The following PHF14 variants were observed in gnomAD, a reference collection of about 807,000 sequenced individuals.
PHF14 encodes PHD finger protein 14.
Under a neutral mutation model 117.9 loss-of-function variants are expected in PHF14, and 55 were observed. That is an observed-to-expected ratio of 0.47 (90% CI 0.38 to 0.58). PHF14 has a LOEUF of 0.58. PHF14 is among the 20% of genes least tolerant of loss of function. The pLI is 0.00. For missense variants in PHF14, 978 were observed against 1,122.2 expected, an observed-to-expected ratio of 0.87 and a Z score of 1.84; for synonymous variants, 409 against 368.6, an observed-to-expected ratio of 1.11 and a Z score of -1.26.
intron 3 of PHF14, among the ~76,000 whole-genome samples, chr7:10,985,905 G>A (rs990244765): frequency 1.3e-5 from 2 of 151,840 alleles, no homozygotes; most frequent in Non-Finnish European, 2.9e-5. Context: ...CACCTGCCTT[G>A]GCCTCCCAAA....
intron 16 of PHF14, among the ~76,000 whole-genome samples, chr7:11,078,833 T>C (rs1177248446): frequency 6.6e-6 from 1 of 152,136 alleles, no homozygotes; most frequent in African/African-American, 2.4e-5. Context: ...GTAGAAAATG[T>C]TTTAATCTGA....
At position 10,982,634 on chromosome 7, in the gene PHF14, G is replaced by A; in HGVS notation, c.375G>A (p.Lys125=). The A allele has an allele frequency of 6.5e-7, 1 of 1,546,418 alleles. No individual in the cohort carries two copies. The change falls in exon 3 of 18, where the codon AAG becomes AAA. Residue 125 remains lysine (K), a synonymous_variant. Coordinates refer to ENST00000634607, the MANE Select transcript of PHF14 (RefSeq NM_001007157.2). The part of the protein sequence containing the change: ...KEKEKEKEKE[K]EKEKEREKEK... ...AAGAGAAGGAAAAAGAAAAGGAAAAGGAGAAAGAGAAGGAAAGAGAGAAGG... is the reference window on the plus strand; with the variant it reads ...AAGAGAAGGAAAAAGAAAAGGAAAAAGAGAAAGAGAAGGAAAGAGAGAAGG...
chr7:11,057,460 C>T (rs532392865), intron 14 of PHF14, among the ~76,000 whole-genome samples: 118 of 152,142 alleles, frequency 7.8e-4, no homozygotes, highest in African/African-American at 2.7e-3. Context: ...CTGCAACCTC[C>T]GCCTCCCAGG....
chr7:11,063,651 T>A, intron 16 of PHF14: 1 of 971,798 alleles, frequency 1.0e-6, no homozygotes, highest in Non-Finnish European at 1.2e-6. Flanking sequence ...GACTTAGAGG[T>A]TTTTATTAGG....
intron 17 of PHF14, 101 bp from the exon 18 acceptor site, chr7:11,169,315 C>T: frequency 3.6e-6 from 2 of 555,806 alleles, no homozygotes; most frequent in South Asian, 2.7e-5. Flanking sequence ...ATTAGAATCA[C>T]AGTAGTTCAT....
At chr7:11,147,377 A>G (rs1788576342) in intron 17 of PHF14, among the ~76,000 whole-genome samples, 1 of 152,174 alleles carries the variant, frequency 6.6e-6, no homozygotes, top group South Asian at 2.1e-4. Context: ...CTACAACTCC[A>G]GTTATTATCC....
chr7:11,122,413 GTA>G (rs1179580302), intron 17 of PHF14, among the ~76,000 whole-genome samples: 1,253 of 79,844 alleles, frequency 0.016, 28 homozygotes, highest in African/African-American at 0.059. Context: ...ATATATACAC[GTA>G]TATATATATA....
At chr7:11,001,450 T>C (rs573643368) in intron 4 of PHF14, among the ~76,000 whole-genome samples, 95 of 152,190 alleles carry the variant, frequency 6.2e-4, no homozygotes, top group Non-Finnish European at 1.2e-3. Flanking sequence ...GGAATTTTGA[T>C]TGGGATTTTA....
chr7:11,162,296 G>A (rs147063420), intron 17 of PHF14, among the ~76,000 whole-genome samples: 2,226 of 151,856 alleles, frequency 0.015, 58 homozygotes, highest in African/African-American at 0.051. Flanking sequence ...CTCCTTGCTG[G>A]CCAGGCTGGT....
chr7:10,983,171 C>T lies in PHF14; in HGVS notation c.900+12C>T. The T allele has an allele frequency of 6.3e-7, 1 of 1,575,302 alleles. No homozygotes were observed. Among genetic ancestry groups the T allele is most frequent in the Non-Finnish European group, 8.6e-7 (1 of 1,167,156 alleles). On this transcript the variant is annotated intron_variant, in intron 3 of 17. Transcript: ENST00000634607. Reference sequence around the variant, plus strand: ...GCAAGAGTAATGAGGTAGATCAACCCAATTTTTATATCTGTCTGTCTGGGG... The same window carrying T: ...GCAAGAGTAATGAGGTAGATCAACCTAATTTTTATATCTGTCTGTCTGGGG...
intron 2 of PHF14, among the ~76,000 whole-genome samples, chr7:10,978,901 T>C (rs1014355556): frequency 2.6e-5 from 4 of 152,162 alleles, no homozygotes; most frequent in African/African-American, 9.7e-5. Context: ...ATGAGTTGTG[T>C]TGACTGATTG....
intron 16 of PHF14, among the ~76,000 whole-genome samples, chr7:11,072,678 G>A (rs978339614): frequency 7.5e-6 from 1 of 132,862 alleles, no homozygotes; most frequent in African/African-American, 3.2e-5. Context: ...TATTGTGTTT[G>A]TCAGTCTGTT....
chr7:10,976,237 C>T (rs771379573), intron 2 of PHF14, among the ~76,000 whole-genome samples: 3 of 152,142 alleles, frequency 2.0e-5, no homozygotes, highest in Non-Finnish European at 2.9e-5. Flanking sequence ...ATAAGTTTAT[C>T]TTGATTAACT....
At chr7:11,104,457 A>G (rs1208435805) in intron 16 of PHF14, 8 of 972,784 alleles carry the variant, frequency 8.2e-6, no homozygotes, top group Admixed American at 6.2e-5. Flanking sequence ...TCCAACTACT[A>G]TAAGGAGAAA....
At chr7:11,120,404 G>A (rs1049040454) in intron 17 of PHF14, among the ~76,000 whole-genome samples, 1 of 151,948 alleles carries the variant, frequency 6.6e-6, no homozygotes, top group Admixed American at 6.6e-5. Context: ...GTTAAGAAAT[G>A]TTTTTTAAAA....
chr7:11,112,749 C>T (rs1228975746), intron 17 of PHF14, among the ~76,000 whole-genome samples: 4 of 150,594 alleles, frequency 2.7e-5, no homozygotes, highest in South Asian at 4.2e-4. Context: ...CCAACCTGGG[C>T]GACAGGGCGA....
intron 16 of PHF14, among the ~76,000 whole-genome samples, chr7:11,076,000 A>G (rs773604341): frequency 5.9e-5 from 9 of 152,250 alleles, no homozygotes; most frequent in East Asian, 1.9e-4. Flanking sequence ...TTAGCCGGGC[A>G]TGGTGGCGGG....
At chr7:11,014,682 C>T (rs977675482) in intron 5 of PHF14, among the ~76,000 whole-genome samples, 3 of 152,128 alleles carry the variant, frequency 2.0e-5, no homozygotes, top group Non-Finnish European at 4.4e-5. Context: ...GTTTATAGCT[C>T]CCTCTACCAT....
At chr7:11,087,674 A>T (rs1310441606) in intron 16 of PHF14, among the ~76,000 whole-genome samples, 2 of 151,888 alleles carry the variant, frequency 1.3e-5, no homozygotes, top group African/African-American at 4.8e-5. Flanking sequence ...ACTATATTTG[A>T]CTCCCAGTGG....
Sources: gnomAD v4.1 joint callset for allele counts (sites outside exome capture counted in the v4.1 genomes callset) on GRCh38, gnomAD v4.1.1 for gene constraint, MANE v1.5 for transcripts, NCBI Gene and HGNC (gene_info 2026-07-23, HGNC 2026-07-21) for gene names.